Variants in CCSER1 observed in about 807,000 individuals in gnomAD.
The protein encoded by CCSER1 is serine-rich coiled-coil domain-containing protein 1.
In CCSER1, 41 loss-of-function variants were observed where a neutral mutation model predicts 82.0. The observed-to-expected ratio is 0.50, with a 90% CI of 0.39 to 0.65. The LOEUF is 0.65. CCSER1 is among the 30% of genes least tolerant of loss of function. The probability of loss-of-function intolerance (pLI) is 0.00; values close to 1 mark genes in which losing one functional copy is unlikely to be tolerated. For synonymous variants in CCSER1, 414 were observed against 383.9 expected, an observed-to-expected ratio of 1.08 and a Z score of -0.92; for missense variants, 1,119 against 1,064.2, an observed-to-expected ratio of 1.05 and a Z score of -0.72.
intron 3 of CCSER1, among the ~76,000 whole-genome samples, chr4:90,334,168 C>G (rs1314937157): frequency 6.6e-6 from 1 of 151,866 alleles, no homozygotes; most frequent in Non-Finnish European, 1.5e-5. Context: ...CGATAATGCA[C>G]AAAGTATTTC....
chr4:90,956,321 G>T (rs2150363849), intron 9 of CCSER1, among the ~76,000 whole-genome samples: 1 of 152,202 alleles, frequency 6.6e-6, no homozygotes, highest in African/African-American at 2.4e-5. Flanking sequence ...TACTTAACTT[G>T]CAAATCCTTC....
At chr4:90,372,420 T>C (rs545595576) in intron 3 of CCSER1, among the ~76,000 whole-genome samples, 1 of 152,244 alleles carries the variant, frequency 6.6e-6, no homozygotes, top group East Asian at 1.9e-4. Context: ...TGAGTGATAT[T>C]GGAGCATGGT....
At chr4:90,761,432 T>C (rs1349430116) in intron 7 of CCSER1, among the ~76,000 whole-genome samples, 1 of 152,122 alleles carries the variant, frequency 6.6e-6, no homozygotes, top group Non-Finnish European at 1.5e-5. Flanking sequence ...AATACAGAAG[T>C]AAAGTTTTGT....
chr4:90,341,709 GTTTC>G (rs1481394541), intron 3 of CCSER1, among the ~76,000 whole-genome samples: 1 of 151,960 alleles, frequency 6.6e-6, no homozygotes, highest in Non-Finnish European at 1.5e-5. Flanking sequence ...ATTAAATTCA[GTTTC>G]TTTTTCTCTA....
chr4:91,100,440 G>T (rs1724944296), intron 10 of CCSER1, among the ~76,000 whole-genome samples: 1 of 152,004 alleles, frequency 6.6e-6, no homozygotes, highest in East Asian at 1.9e-4. Context: ...GAGTGTTTGA[G>T]TGTCATGCTA....
intron 10 of CCSER1, among the ~76,000 whole-genome samples, chr4:91,418,527 A>G (rs2149380685): frequency 6.6e-6 from 1 of 152,086 alleles, no homozygotes; most frequent in African/African-American, 2.4e-5. Context: ...CTAAATCATA[A>G]AGAAATAGAA....
chr4:90,468,396 T>G (rs780294134), intron 5 of CCSER1, 42 bp downstream of exon 5: 2 of 1,545,742 alleles, frequency 1.3e-6, no homozygotes, highest in Non-Finnish European at 1.8e-6. Context: ...GTAAAATCAA[T>G]TAGATAACTG....
At chr4:90,312,453 C>T (rs1259567430) in intron 2 of CCSER1, among the ~76,000 whole-genome samples, 1 of 152,070 alleles carries the variant, frequency 6.6e-6, no homozygotes, top group Non-Finnish European at 1.5e-5. Flanking sequence ...ATTCTGGCTA[C>T]TATGTGGAAT....
intron 6 of CCSER1, among the ~76,000 whole-genome samples, chr4:90,656,690 AT>A (rs1729761770): frequency 6.6e-6 from 1 of 151,684 alleles, no homozygotes; most frequent in South Asian, 2.1e-4. Flanking sequence ...TATGTTTTTA[AT>A]TTTGTTTTCT....
At chr4:91,381,965 A>G (rs1375253890) in intron 10 of CCSER1, among the ~76,000 whole-genome samples, 1 of 152,200 alleles carries the variant, frequency 6.6e-6, no homozygotes, top group Non-Finnish European at 1.5e-5. Flanking sequence ...TCTAACAGTC[A>G]GGACCTTCAG....
At chr4:90,412,474 A>T (rs192982109) in intron 4 of CCSER1, among the ~76,000 whole-genome samples, 1 of 151,924 alleles carries the variant, frequency 6.6e-6, no homozygotes, top group Non-Finnish European at 1.5e-5. Context: ...ATAATAATAA[A>T]AAAAAGAATT....
At chr4:91,126,823 A>G (rs1193203351) in intron 10 of CCSER1, among the ~76,000 whole-genome samples, 1 of 151,980 alleles carries the variant, frequency 6.6e-6, no homozygotes, top group Non-Finnish European at 1.5e-5. Context: ...TGTACTTAAC[A>G]GCAAGCACTC....
chr4:90,299,809 C>A (rs1341106005), intron 1 of CCSER1, among the ~76,000 whole-genome samples: 1 of 152,060 alleles, frequency 6.6e-6, no homozygotes, highest in Non-Finnish European at 1.5e-5. Context: ...CTGTTTAAAT[C>A]TGGGTTAAAT....
intron 8 of CCSER1, among the ~76,000 whole-genome samples, chr4:90,865,626 G>A (rs929596682): frequency 1.3e-5 from 2 of 151,856 alleles, no homozygotes; most frequent in African/African-American, 2.4e-5. Flanking sequence ...TATCCTTCTA[G>A]CATTATATCC....
At chr4:91,415,721 G>A (rs1753320843) in intron 10 of CCSER1, among the ~76,000 whole-genome samples, 1 of 152,058 alleles carries the variant, frequency 6.6e-6, no homozygotes, top group African/African-American at 2.4e-5. Flanking sequence ...TTATTGCTTT[G>A]CATATGTTGA....
chr4:90,808,447 AACAG>A (rs1757805119), intron 7 of CCSER1, among the ~76,000 whole-genome samples: 1 of 152,236 alleles, frequency 6.6e-6, no homozygotes, highest in African/African-American at 2.4e-5. Flanking sequence ...CAACAGAGTA[AACAG>A]ACAACTTATA....
intron 10 of CCSER1, among the ~76,000 whole-genome samples, chr4:91,208,474 C>T (rs1223683249): frequency 2.0e-5 from 3 of 151,696 alleles, no homozygotes; most frequent in East Asian, 1.9e-4. Flanking sequence ...CACCACTTAT[C>T]GAATAGGGAG....
Position 91,144,900 on chromosome 4 carries a change from G to T in CCSER1, c.2217+58906G>T, listed in dbSNP as rs112589370. ...GGCCCAGACTGTTGTCAGTCTTAAAGTATGTACTGTGTGCAGATGAGAACA... is the reference window on the plus strand; with the variant it reads ...GGCCCAGACTGTTGTCAGTCTTAAATTATGTACTGTGTGCAGATGAGAACA... On this transcript the variant is annotated intron_variant, in intron 10 of 10. Transcript: ENST00000509176. Among the ~76,000 whole-genome samples, 1,365 of 152,100 alleles carry T rather than the reference G, an allele frequency of 9.0e-3. 17 individuals are homozygous for T. Among genetic ancestry groups the T allele is most frequent in the African/African-American group, 0.031 (1,282 of 41,534 alleles).
chr4:90,253,437 C>A (rs536734316), intron 1 of CCSER1, among the ~76,000 whole-genome samples: 1 of 152,200 alleles, frequency 6.6e-6, no homozygotes, highest in Admixed American at 6.5e-5. Flanking sequence ...TATTCAACAA[C>A]ATTTTTGAAA....
Sources: gnomAD v4.1 joint callset for allele counts (sites outside exome capture counted in the v4.1 genomes callset) on GRCh38, gnomAD v4.1.1 for gene constraint, MANE v1.5 for transcripts, NCBI Gene and HGNC (gene_info 2026-07-23, HGNC 2026-07-21) for gene names.